Variants in KRTAP16-1 observed in about 807,000 individuals in gnomAD.
KRTAP16-1 encodes the protein keratin-associated protein 16-1.
For synonymous variants in KRTAP16-1, 262 were observed against 248.0 expected, an observed-to-expected ratio of 1.06 and a Z score of -0.53; for missense variants, 675 against 657.7, an observed-to-expected ratio of 1.03 and a Z score of -0.29.
In KRTAP16-1 at chr17:41,308,246, G is replaced by A; in HGVS notation, c.1008C>T (p.Val336=). 1.3e-6 allele frequency: 2 copies of A among 1,550,672 alleles called. No homozygotes were observed. The highest frequency in any genetic ancestry group is 8.7e-7 in the Non-Finnish European group (1 of 1,146,952). ...CAGGGCAGACAGAAGGACAGCGCTT[G>A]ACTACATAGCAAGTAGGTTGGCATG... The part of the protein sequence containing the change: ...SSPCQPTCYV[V]KRCPSVCPEP... The change falls in exon 1 of 1, where the codon GTC becomes GTT. Residue 336 remains valine, a synonymous_variant. Coordinates refer to ENST00000391352, the MANE Select transcript of KRTAP16-1 (RefSeq NM_001146182.2).
chr17:41,308,029 G>A lies in KRTAP16-1; in HGVS notation c.1225C>T (p.Leu409Phe). The A allele has an allele frequency of 6.4e-7, 1 of 1,550,658 alleles. No homozygotes were observed. The highest frequency in any genetic ancestry group is 8.7e-7 in the Non-Finnish European group (1 of 1,147,012). The stretch of plus-strand genomic sequence containing the variant: ...GTCATGTATGGCTGCCTATAGGTGA[G>A]GAGTCCAGAGCAGATTGGGCGGCAG... ...PICRPICSGL[L>F]TYRQPYMTSI... is the part of the protein sequence containing the mutation. The change falls in exon 1 of 1, where the codon CTC becomes TTC. Residue 409 changes from leucine (L) to phenylalanine (F), a missense_variant. Coordinates refer to ENST00000391352, the MANE Select transcript of KRTAP16-1 (RefSeq NM_001146182.2).
In KRTAP16-1 at chr17:41,308,236, G is replaced by T. The variant is rs1331443911; in HGVS notation, c.1018C>A (p.Pro340Thr). 6.4e-7 allele frequency: 1 copy of T among 1,550,524 alleles called. No homozygotes were observed. Among genetic ancestry groups the T allele is most frequent in the Non-Finnish European group, 8.7e-7 (1 of 1,146,944 alleles). Residue 340 changes from proline (P) to threonine (T), a missense_variant, in exon 1 of 1, where the codon CCT (proline) becomes ACT (threonine). Coordinates refer to ENST00000391352, the MANE Select transcript of KRTAP16-1 (RefSeq NM_001146182.2). ...QPTCYVVKRCPSVCPEPVSCP... is the reference protein window; with the variant it reads ...QPTCYVVKRCTSVCPEPVSCP... The stretch of plus-strand genomic sequence containing the variant: ...GAAACTGGCTCAGGGCAGACAGAAG[G>T]ACAGCGCTTGACTACATAGCAAGTA...
rs1475899641 is a variant in KRTAP16-1 at position 41,307,790 on chromosome 17, G to A, written c.1464C>T (p.Pro488=). 2 of 1,550,682 alleles carry A rather than the reference G, an allele frequency of 1.3e-6. No homozygotes were observed. Among genetic ancestry groups the A allele is most frequent in the South Asian group, 2.4e-5 (2 of 84,054 alleles). The change falls in exon 1 of 1, where the codon CCC becomes CCT. Residue 488 remains proline (P), a synonymous_variant. Coordinates refer to ENST00000391352, the MANE Select transcript of KRTAP16-1 (RefSeq NM_001146182.2). The part of the protein sequence containing the change: ...PCKVDVSEEA[P]CQPTEAKPIS... The stretch of plus-strand genomic sequence containing the variant: ...TGGGTTTGGCTTCAGTGGGCTGGCA[G>A]GGAGCCTCTTCTGAGACATCCACCT...
At position 41,308,607 on chromosome 17, in the gene KRTAP16-1, G is replaced by T. The variant is rs1331105754; in HGVS notation, c.647C>A (p.Pro216His). The T allele has an allele frequency of 5.2e-6, 8 of 1,550,968 alleles. No homozygotes were observed. The highest frequency in any genetic ancestry group is 7.0e-6 in the Non-Finnish European group (8 of 1,147,110). The change falls in exon 1 of 1, where the codon CCT becomes CAT. Residue 216 changes from proline (P) to histidine (H), a missense_variant. Transcript: ENST00000391352. ...PSCCSAVCTL[P>H]SSCQPVVCEP... Reference sequence around the variant, plus strand: ...ACAGACCACAGGTTGGCAGGAACTAGGCAGGGTGCAGACAGCTGAACAGCA... The same window carrying T: ...ACAGACCACAGGTTGGCAGGAACTATGCAGGGTGCAGACAGCTGAACAGCA...
chr17:41,307,978 A>C lies in KRTAP16-1; in HGVS notation c.1276T>G (p.Tyr426Asp). 1.3e-6 allele frequency: 2 copies of C among 1,550,646 alleles called. No homozygotes were observed. Among genetic ancestry groups the C allele is most frequent in the South Asian group, 2.4e-5 (2 of 84,062 alleles). Residue 426 changes from tyrosine to aspartate, a missense_variant, in exon 1 of 1, where the codon TAT (tyrosine) becomes GAT (aspartate). By Grantham distance (160) the Tyr-to-Asp change is radical. Transcript: ENST00000391352. ...CGCAGGATGGAGTAGCATGGGCGAT[A>C]GCAGGCAGGACGGTAGGAGATGGAT... ...MTSISYRPAC[Y>D]RPCYSILRRP...
rs747207205 is a variant in KRTAP16-1 at position 41,308,013 on chromosome 17, G to A, written c.1241C>T (p.Pro414Leu). ...ACGGTAGGAGATGGATGTCATGTAT[G>A]GCTGCCTATAGGTGAGGAGTCCAGA... ...ICSGLLTYRQ[P>L]YMTSISYRPA... is the part of the protein sequence containing the mutation. The change falls in exon 1 of 1, where the codon CCA becomes CTA. Residue 414 changes from proline to leucine, a missense_variant. Transcript: ENST00000391352. 25 of 1,550,560 alleles carry A rather than the reference G, an allele frequency of 1.6e-5. No individual in the cohort carries two copies. The African/African-American group carries it at 3.4e-4, about 21-fold the overall frequency.
rs1466816142 is a variant in KRTAP16-1 at position 41,308,849 on chromosome 17, C to G, written c.405G>C (p.Glu135Asp). The G allele has an allele frequency of 6.5e-7, 1 of 1,541,534 alleles. No homozygotes were observed. The highest frequency in any genetic ancestry group is 8.8e-7 in the Non-Finnish European group (1 of 1,140,424). Residue 135 changes from glutamate to aspartate, a missense_variant, in exon 1 of 1, where the codon GAG becomes GAC. Transcript: ENST00000391352. ...VSNCCQPVCF[E>D]ATVCEPSCSV... ...AACAAGAAGGCTCACAAACGGTGGC[C>G]TCAAAGCACACAGGTTGGCAGCAGT...
chr17:41,308,912 GA>G lies in KRTAP16-1; in HGVS notation c.341del (p.Phe114SerfsTer12). 1 of 1,549,640 alleles carries G rather than the reference GA, an allele frequency of 6.5e-7. No homozygotes were observed. Among genetic ancestry groups the G allele is most frequent in the Non-Finnish European group, 8.7e-7 (1 of 1,146,674 alleles). On this transcript the variant is annotated frameshift_variant, in exon 1 of 1. Transcript: ENST00000391352. LOFTEE classifies it low-confidence loss of function (END_TRUNC). Reference protein sequence around the residue: ...SVSNCYQPVCFEATICEPSCS... With the variant: ...SVSNCYQPVCXEATICEPSCS... ...AAGAAGGCTCACAGATGGTGGCCTC[GA>G]AGCACACAGGTTGGTAGCAGTTGCT...
chr17:41,309,094 A>G lies in KRTAP16-1; in HGVS notation c.160T>C (p.Cys54Arg). 6.4e-7 allele frequency: 1 copy of G among 1,550,674 alleles called. No individual in the cohort carries two copies. Residue 54 changes from cysteine to arginine, a missense_variant, in exon 1 of 1, where the codon TGT (cysteine) becomes CGT (arginine). Physicochemically the swap from Cys to Arg is radical, Grantham distance 180. Coordinates refer to ENST00000391352, the MANE Select transcript of KRTAP16-1 (RefSeq NM_001146182.2). ...GAGGGCTGACGGCACTGTGGCCCAC[A>G]GCTGGATGATCCACAGCTGTCTTGA... ...TCQDSCGSSS[C>R]GPQCRQPSCP... is the part of the protein sequence containing the mutation.
In KRTAP16-1 at chr17:41,308,508, C is replaced by T. The variant is rs1482644092; in HGVS notation, c.746G>A (p.Cys249Tyr). 1.3e-6 allele frequency: 2 copies of T among 1,550,586 alleles called. No individual in the cohort carries two copies. The highest frequency in any genetic ancestry group is 1.2e-5 in the South Asian group (1 of 84,060). ...ACTTGGCTCACAAGGGCTGGGGTCA[C>T]AGCAGACAGCCTGGCAGCTACTGGT... ...SVTSSCQAVC[C>Y]DPSPCEPSCS... Residue 249 changes from cysteine (C) to tyrosine (Y), a missense_variant, in exon 1 of 1, where the codon TGT (cysteine) becomes TAT (tyrosine). Cys to Tyr is a radical substitution (Grantham distance 194). Coordinates refer to ENST00000391352, the MANE Select transcript of KRTAP16-1 (RefSeq NM_001146182.2).
In KRTAP16-1 at chr17:41,308,683, G is replaced by T. The variant is rs1440019413; in HGVS notation, c.571C>A (p.Pro191Thr). 6.4e-7 allele frequency: 1 copy of T among 1,550,766 alleles called. No individual in the cohort carries two copies. Among genetic ancestry groups the T allele is most frequent in the African/African-American group, 1.4e-5 (1 of 73,170 alleles). ...CAGCAGCTGGATTTGCAGAGGACAG[G>T]CTGGCAGGAAGTGGGCACACAGAGG... ...PVLCVPTSCQ[P>T]VLCKSSCCQP... Residue 191 changes from proline (P) to threonine (T), a missense_variant, in exon 1 of 1, where the codon CCT becomes ACT. By Grantham distance (38) the Pro-to-Thr change is conservative. Coordinates refer to ENST00000391352, the MANE Select transcript of KRTAP16-1 (RefSeq NM_001146182.2).
rs765795260 is a variant in KRTAP16-1 at position 41,308,191 on chromosome 17, G to A, written c.1063C>T (p.Arg355Ter). The change falls in exon 1 of 1, where the codon CGA becomes TGA. Residue 355 changes from arginine to a stop codon, truncating the protein, a stop_gained. Coordinates refer to ENST00000391352, the MANE Select transcript of KRTAP16-1 (RefSeq NM_001146182.2). LOFTEE classifies it low-confidence loss of function (END_TRUNC). ...GACCCTGGACTGCAGGAAAGAGGTCGGCAGGAGGTAGATGGGCAGGAAACT... is the reference window on the plus strand; with the variant it reads ...GACCCTGGACTGCAGGAAAGAGGTCAGCAGGAGGTAGATGGGCAGGAAACT... ...EPVSCPSTSC[R>*]PLSCSPGSSA... 32 of 1,550,558 alleles carry A rather than the reference G, an allele frequency of 2.1e-5. No homozygotes were observed. The highest frequency in any genetic ancestry group is 1.2e-4 in the African/African-American group (9 of 73,050).
In KRTAP16-1 at chr17:41,308,964, G is replaced by T. The variant is rs889891598; in HGVS notation, c.290C>A (p.Thr97Asn). 13 of 1,550,420 alleles carry T rather than the reference G, an allele frequency of 8.4e-6. No individual in the cohort carries two copies. The Admixed American group carries it at 1.8e-4, about 21-fold the overall frequency. Residue 97 changes from threonine (T) to asparagine (N), a missense_variant, in exon 1 of 1, where the codon ACC becomes AAC. Coordinates refer to ENST00000391352, the MANE Select transcript of KRTAP16-1 (RefSeq NM_001146182.2). ...CACAGAGCAAGAAGGCTCACAGGTG[G>T]TGGCCTCACAGCACACGGGTTGGCA... The part of the protein sequence containing the change: ...SGCQPVCCEA[T>N]TCEPSCSVSN...
chr17:41,308,469 C>G lies in KRTAP16-1; in HGVS notation c.785G>C (p.Ser262Thr). Reference protein sequence around the residue: ...SPCEPSCSESSICQPATCVAL... With the variant: ...SPCEPSCSESTICQPATCVAL... ...CACACACGTAGCTGGCTGGCAGATG[C>G]TAGACTCTGAGCAACTTGGCTCACA... Residue 262 changes from serine to threonine, a missense_variant, in exon 1 of 1, where the codon AGC (serine) becomes ACC (threonine). By Grantham distance (58) the Ser-to-Thr change is moderately conservative (BLOSUM62 1). Transcript: ENST00000391352. The G allele has an allele frequency of 2.6e-6, 4 of 1,550,330 alleles. No individual in the cohort carries two copies. Among genetic ancestry groups the G allele is most frequent in the Non-Finnish European group, 3.5e-6 (4 of 1,146,718 alleles).
Position 41,308,226 on chromosome 17 carries a change from C to A in KRTAP16-1, c.1028G>T (p.Cys343Phe), listed in dbSNP as rs1219771484. ...CYVVKRCPSV[C>F]PEPVSCPSTS... ...AGATGGGCAGGAAACTGGCTCAGGG[C>A]AGACAGAAGGACAGCGCTTGACTAC... Residue 343 changes from cysteine to phenylalanine, a missense_variant, in exon 1 of 1, where the codon TGC becomes TTC. By Grantham distance (205) the Cys-to-Phe change is radical (BLOSUM62 -2). Transcript: ENST00000391352. 5.2e-6 allele frequency: 8 copies of A among 1,550,474 alleles called. No homozygotes were observed. The highest frequency in any genetic ancestry group is 2.0e-5 in the Admixed American group (1 of 50,970).
In KRTAP16-1 at chr17:41,308,191, G is replaced by C; in HGVS notation, c.1063C>G (p.Arg355Gly). 1 of 1,550,676 alleles carries C rather than the reference G, an allele frequency of 6.4e-7. No individual in the cohort carries two copies. Among genetic ancestry groups the C allele is most frequent in the South Asian group, 1.2e-5 (1 of 84,056 alleles). The change falls in exon 1 of 1, where the codon CGA becomes GGA. Residue 355 changes from arginine to glycine, a missense_variant. Physicochemically the swap from Arg to Gly is moderately radical, Grantham distance 125. Transcript: ENST00000391352. ...EPVSCPSTSC[R>G]PLSCSPGSSA... is the part of the protein sequence containing the mutation. ...GACCCTGGACTGCAGGAAAGAGGTCGGCAGGAGGTAGATGGGCAGGAAACT... is the reference window on the plus strand; with the variant it reads ...GACCCTGGACTGCAGGAAAGAGGTCCGCAGGAGGTAGATGGGCAGGAAACT...
Position 41,308,164 on chromosome 17 carries a change from A to T in KRTAP16-1, c.1090T>A (p.Ser364Thr), listed in dbSNP as rs1187924615. 2 of 1,550,668 alleles carry T rather than the reference A, an allele frequency of 1.3e-6. No homozygotes were observed. The highest frequency in any genetic ancestry group is 4.9e-5 in the East Asian group (2 of 40,928). Residue 364 changes from serine (S) to threonine (T), a missense_variant, in exon 1 of 1, where the codon TCT becomes ACT. Ser to Thr is a moderately conservative substitution (Grantham distance 58). Coordinates refer to ENST00000391352, the MANE Select transcript of KRTAP16-1 (RefSeq NM_001146182.2). The stretch of plus-strand genomic sequence containing the variant: ...GTTGGTCGGCAGATGGCAGATGCAG[A>T]AGACCCTGGACTGCAGGAAAGAGGT... ...CRPLSCSPGS[S>T]ASAICRPTCP... is the part of the protein sequence containing the mutation.
At position 41,307,767 on chromosome 17, in the gene KRTAP16-1, G is replaced by C. The variant is rs1244236335; in HGVS notation, c.1487C>G (p.Pro496Arg). The part of the protein sequence containing the change: ...EAPCQPTEAK[P>R]ISPTTREAAA... Reference sequence around the variant, plus strand: ...GGCCTCACGGGTGGTTGGGCTGATGGGTTTGGCTTCAGTGGGCTGGCAGGG... The same window carrying C: ...GGCCTCACGGGTGGTTGGGCTGATGCGTTTGGCTTCAGTGGGCTGGCAGGG... Residue 496 changes from proline to arginine, a missense_variant, in exon 1 of 1, where the codon CCC (proline) becomes CGC (arginine). Transcript: ENST00000391352. 1 of 1,550,240 alleles carries C rather than the reference G, an allele frequency of 6.5e-7. No individual in the cohort carries two copies. Among genetic ancestry groups the C allele is most frequent in the East Asian group, 2.4e-5 (1 of 40,922 alleles).
Position 41,308,473 on chromosome 17 carries a change from ACT to A in KRTAP16-1, c.779_780del (p.Glu260ValfsTer2). 1 of 1,550,246 alleles carries A rather than the reference ACT, an allele frequency of 6.5e-7. No homozygotes were observed. The highest frequency in any genetic ancestry group is 8.7e-7 in the Non-Finnish European group (1 of 1,146,706). On this transcript the variant is annotated frameshift_variant, in exon 1 of 1. Coordinates refer to ENST00000391352, the MANE Select transcript of KRTAP16-1 (RefSeq NM_001146182.2). LOFTEE classifies it low-confidence loss of function (END_TRUNC). Reference protein sequence around the residue: ...DPSPCEPSCSESSICQPATCV... With the variant: ...DPSPCEPSCSXSSICQPATCV... ...CACGTAGCTGGCTGGCAGATGCTAG[ACT>A]CTGAGCAACTTGGCTCACAAGGGCT...
Sources: allele counts gnomAD v4.1 joint callset, GRCh38; gene constraint gnomAD v4.1.1; transcripts MANE v1.5; gene names NCBI Gene and HGNC (gene_info 2026-07-23, HGNC 2026-07-21).